Variants in FAM217A observed in about 807,000 individuals in gnomAD.
FAM217A encodes the protein protein FAM217A.
A neutral mutation model predicts 18.5 loss-of-function variants in FAM217A; 13 were observed. That is an observed-to-expected ratio of 0.70 (90% confidence interval 0.46 to 1.12). The LOEUF is 1.12. Ranked by LOEUF, FAM217A falls within the 50% of genes most tolerant of loss-of-function variation. The pLI is 0.00. For missense variants in FAM217A, 560 were observed against 575.4 expected, an observed-to-expected ratio of 0.97 and a Z score of 0.27; for synonymous variants, 161 against 202.8, an observed-to-expected ratio of 0.79 and a Z score of 1.75.
At chr6:4,085,091 A>C (rs1298815218) in intron 1 of FAM217A, among the ~76,000 whole-genome samples, 1 of 152,180 alleles carries the variant, frequency 6.6e-6, no homozygotes, top group Non-Finnish European at 1.5e-5. Flanking sequence ...TACAAAACAA[A>C]ATACACAATG....
intron 1 of FAM217A, among the ~76,000 whole-genome samples, chr6:4,086,772 T>G (rs530298292): frequency 6.6e-6 from 1 of 152,226 alleles, no homozygotes; most frequent in Non-Finnish European, 1.5e-5. Context: ...ACAAACTCTA[T>G]TATTTGCATT....
upstream of FAM217A, among the ~76,000 whole-genome samples, chr6:4,082,423 G>A (rs1199279845): frequency 6.6e-6 from 1 of 152,140 alleles, no homozygotes; most frequent in East Asian, 1.9e-4. Flanking sequence ...TCCCTCCGAG[G>A]CTAGCCTGAG....
chr6:4,081,990 C>A (rs1412972107), upstream of FAM217A, among the ~76,000 whole-genome samples: 1 of 150,862 alleles, frequency 6.6e-6, no homozygotes, highest in African/African-American at 2.4e-5. Context: ...CTTTTTTTTT[C>A]TTAACAGAAC....
chr6:4,074,181 A>ACTT (rs894711237), intron 4 of FAM217A, among the ~76,000 whole-genome samples: 9 of 152,288 alleles, frequency 5.9e-5, no homozygotes, highest in Admixed American at 3.9e-4. Flanking sequence ...GGACAGGACT[A>ACTT]CTTCCCTTTC....
In FAM217A at chr6:4,069,719, AC is replaced by A; in HGVS notation, c.503del (p.Ser168IlefsTer6). The A allele has an allele frequency of 6.2e-7, 1 of 1,614,174 alleles. No individual in the cohort carries two copies. Among genetic ancestry groups the A allele is most frequent in the East Asian group, 2.2e-5 (1 of 44,882 alleles). On this transcript the variant is annotated frameshift_variant, in exon 7 of 7. Coordinates refer to ENST00000274673, the MANE Select transcript of FAM217A (RefSeq NM_173563.3). LOFTEE classifies it low-confidence loss of function (END_TRUNC). ...CATTGTTTTCTATAGTTGAACATGA[AC>A]TAACATGAATCTCATTTCTGTTCTT... Reference protein sequence around the residue: ...FFKNRNEIHVSSCSTIENNDG... With the variant: ...FFKNRNEIHVXSCSTIENNDG...
chr6:4,073,646 T>C (rs1224070268), intron 4 of FAM217A, 139 bp from the exon 5 acceptor site: 11 of 627,158 alleles, frequency 1.8e-5, no homozygotes, highest in Non-Finnish European at 2.9e-5. Flanking sequence ...AGAAATCATT[T>C]GTTTTTACTG....
At chr6:4,077,478 T>C (rs751317174) in intron 1 of FAM217A, 30 bp from the exon 2 acceptor site, 4 of 1,501,962 alleles carry the variant, frequency 2.7e-6, no homozygotes, top group African/African-American at 1.4e-5. Context: ...GGCACATTTA[T>C]GGGTAAGGGT....
upstream of FAM217A, among the ~76,000 whole-genome samples, chr6:4,082,655 C>CT (rs1296844020): frequency 6.6e-6 from 1 of 152,224 alleles, no homozygotes; most frequent in Non-Finnish European, 1.5e-5. Flanking sequence ...AGAGACAGGC[C>CT]TTGCTGGGTT....
exon 2 of FAM217A, chr6:4,084,772 A>C (rs775281655): frequency 2.8e-5 from 20 of 702,842 alleles, no homozygotes; most frequent in Middle Eastern, 2.3e-4. Flanking sequence ...CACCATGGCG[A>C]GGGGGAAGAA....
upstream of FAM217A, chr6:4,079,818 G>C: frequency 2.9e-6 from 1 of 344,194 alleles, no homozygotes; most frequent in South Asian, 3.9e-5. Context: ...TTTCAGGTCC[G>C]TCGTCGGCCT....
chr6:4,076,002 CA>C (rs565511175), intron 2 of FAM217A, among the ~76,000 whole-genome samples: 1 of 151,934 alleles, frequency 6.6e-6, no homozygotes, highest in Admixed American at 6.6e-5. Flanking sequence ...ATAATAGTTG[CA>C]AAAAAATGCT....
intron 4 of FAM217A, 133 bp from the exon 5 acceptor site, chr6:4,073,640 A>G (rs777613780): frequency 1.5e-6 from 1 of 651,722 alleles, no homozygotes. Flanking sequence ...ATACAAAGAA[A>G]TCATTTGTTT....
rs1769641872 is a variant in FAM217A, at chr6:4,074,510, C to G, written c.146-54G>C. The G allele has an allele frequency of 3.8e-6, 6 of 1,578,418 alleles. No individual in the cohort carries two copies. The South Asian group carries it at 6.7e-5, about 18-fold the overall frequency. On this transcript the variant is annotated intron_variant, in intron 3 of 6. Coordinates refer to ENST00000274673, the MANE Select transcript of FAM217A (RefSeq NM_173563.3). ...ATAGTTACATAAAACTGATTATATT[C>G]AAAACAAACCCCCTTTTAATATGAG...
chr6:4,069,923 T>A lies in FAM217A; in HGVS notation c.303-3A>T. 1 of 1,540,072 alleles carries A rather than the reference T, an allele frequency of 6.5e-7. No homozygotes were observed. The highest frequency in any genetic ancestry group is 8.8e-7 in the Non-Finnish European group (1 of 1,136,760). Reference sequence around the variant, plus strand: ...CCACTGAAGATTTTTTGAATTCCCTTTAAAAAATAATTTAATTAATGAATG... The same window carrying A: ...CCACTGAAGATTTTTTGAATTCCCTATAAAAAATAATTTAATTAATGAATG... On this transcript the variant is annotated splice_polypyrimidine_tract_variant and splice_region_variant and intron_variant, in intron 6 of 6. Transcript: ENST00000274673.
chr6:4,087,124 C>T (rs1770719551), upstream of FAM217A: 1 of 408,422 alleles, frequency 2.4e-6, no homozygotes, highest in East Asian at 3.6e-5. Context: ...TCTGTGGAGC[C>T]TTAATTAGGT....
upstream of FAM217A, chr6:4,079,690 C>G: frequency 1.6e-6 from 2 of 1,274,950 alleles, no homozygotes; most frequent in South Asian, 2.5e-5. Flanking sequence ...GGTACGTAGT[C>G]CTCCAGACTA....
chr6:4,086,474 C>T (rs1770671717), intron 1 of FAM217A, among the ~76,000 whole-genome samples: 1 of 148,862 alleles, frequency 6.7e-6, no homozygotes, highest in Admixed American at 6.7e-5. Context: ...AAAAAAAATC[C>T]ATCTATCTAT....
In FAM217A at chr6:4,069,284, A is replaced by G; in HGVS notation, c.939T>C (p.Cys313=). 1 of 1,614,136 alleles carries G rather than the reference A, an allele frequency of 6.2e-7. No individual in the cohort carries two copies. Among genetic ancestry groups the G allele is most frequent in the South Asian group, 1.1e-5 (1 of 91,086 alleles). ...AGGGTCGTTCAGTAACTGCTGGAGT[A>G]CAGAAAGTCGTTTGTAGTCTTGGCC... ...KERPRLQTTF[C]TPAVTERPSS... Residue 313 remains cysteine, a synonymous_variant, in exon 7 of 7, where the codon TGT becomes TGC. Transcript: ENST00000274673.
rs1339810434 is a variant in FAM217A at position 4,068,432 on chromosome 6, G to A, written c.*264C>T. On this transcript the variant is annotated 3_prime_UTR_variant, in exon 7 of 7. Transcript: ENST00000274673. ...ATCACTGAAAAAAGAGTAGCCTTTT[G>A]AATAGAATAGTCTACCAAGTGAACC... 7 of 328,772 alleles carry A rather than the reference G, an allele frequency of 2.1e-5. No individual in the cohort carries two copies. The highest frequency in any genetic ancestry group is 3.3e-5 in the Non-Finnish European group (6 of 182,368). 20.4% of individuals were successfully genotyped at this position (328,772 alleles called of 1,614,324 possible).
Sources: gnomAD v4.1 joint callset for allele counts (sites outside exome capture counted in the v4.1 genomes callset) on GRCh38, gnomAD v4.1.1 for gene constraint, MANE v1.5 for transcripts, NCBI Gene and HGNC (gene_info 2026-07-23, HGNC 2026-07-21) for gene names.